The following BRAF variants were observed in gnomAD, a reference collection of about 807,000 sequenced individuals.
BRAF encodes the protein B-Raf proto-oncogene, serine/threonine kinase, also known as serine/threonine-protein kinase B-raf.
Under a neutral mutation model 104.6 loss-of-function variants are expected in BRAF, and 16 were observed. The observed-to-expected ratio is 0.15, with a 90% CI of 0.10 to 0.23. The LOEUF is 0.23. Among genes scored for constraint, BRAF ranks in the 10% least tolerant of loss-of-function variants. The pLI, the probability that BRAF is intolerant of heterozygous loss-of-function variation, is 1.00. For missense variants in BRAF, 541 were observed against 937.3 expected, an observed-to-expected ratio of 0.58 and a Z score of 5.52; for synonymous variants, 310 against 341.6, an observed-to-expected ratio of 0.91 and a Z score of 1.02.
intron 14 of BRAF, among the ~76,000 whole-genome samples, chr7:140,757,184 AC>A (rs1229360890): frequency 3.9e-5 from 6 of 152,184 alleles, no homozygotes; most frequent in African/African-American, 1.2e-4. Flanking sequence ...AAAAAAGGGC[AC>A]AAAAAGGATT....
intron 1 of BRAF, among the ~76,000 whole-genome samples, chr7:140,894,693 A>C (rs1198771094): frequency 1.3e-5 from 2 of 152,282 alleles, no homozygotes; most frequent in East Asian, 3.9e-4. Flanking sequence ...CATACCCATA[A>C]GAGACAAAGC....
intron 14 of BRAF, among the ~76,000 whole-genome samples, chr7:140,771,800 T>C (rs992536968): frequency 2.6e-5 from 4 of 151,728 alleles, no homozygotes; most frequent in South Asian, 2.1e-4. Context: ...ACATGAAGAG[T>C]TGAAAGGAGG....
intron 14 of BRAF, among the ~76,000 whole-genome samples, chr7:140,768,403 C>A (rs945564359): frequency 6.6e-6 from 1 of 152,064 alleles, no homozygotes; most frequent in Non-Finnish European, 1.5e-5. Flanking sequence ...GAGGCTTGGC[C>A]CCAGTGTAAT....
chr7:140,743,784 T>A, intron 17 of BRAF, among the ~76,000 whole-genome samples: 1 of 151,960 alleles, frequency 6.6e-6, no homozygotes, highest in South Asian at 2.1e-4. Context: ...TCCCAGGGTG[T>A]AAAAACCTCT....
chr7:140,753,987 T>A (rs1459676770), intron 15 of BRAF, 200 bp downstream of exon 14: 1 of 604,104 alleles, frequency 1.7e-6, no homozygotes, highest in Non-Finnish European at 2.9e-6. Flanking sequence ...TAGATTTTCT[T>A]GTAATGTTCA....
At chr7:140,919,279 G>A (rs895901307) in intron 1 of BRAF, among the ~76,000 whole-genome samples, 1 of 152,118 alleles carries the variant, frequency 6.6e-6, no homozygotes, top group Admixed American at 6.5e-5. Flanking sequence ...AGGAACTGCA[G>A]CTACATTACA....
intron 1 of BRAF, among the ~76,000 whole-genome samples, chr7:140,866,130 G>A (rs1033000134): frequency 1.3e-5 from 2 of 152,196 alleles, no homozygotes; most frequent in Non-Finnish European, 2.9e-5. Flanking sequence ...TTTCGGAAAG[G>A]AGCTGTATTT....
intron 2 of BRAF, among the ~76,000 whole-genome samples, chr7:140,837,640 T>C (rs1158886360): frequency 6.6e-6 from 1 of 152,236 alleles, no homozygotes; most frequent in Non-Finnish European, 1.5e-5. Context: ...TCTAATTAGT[T>C]CTATGATCAA....
At chr7:140,833,357 T>G (rs1806988268) in intron 3 of BRAF, among the ~76,000 whole-genome samples, 1 of 152,348 alleles carries the variant, frequency 6.6e-6, no homozygotes, top group Non-Finnish European at 1.5e-5. Context: ...CATTTCCTAC[T>G]TTCTGCTCAT....
intron 1 of BRAF, among the ~76,000 whole-genome samples, chr7:140,870,199 C>T (rs1258304785): frequency 6.6e-6 from 1 of 152,116 alleles, no homozygotes; most frequent in African/African-American, 2.4e-5. Context: ...AATTACAAAC[C>T]TGTCATAAGT....
chr7:140,766,609 G>T lies in BRAF; in HGVS notation c.1814+10303C>A, dbSNP rs138951820. Among the ~76,000 whole-genome samples, 370 of 152,048 alleles carry T rather than the reference G, an allele frequency of 2.4e-3. 3 individuals carry two copies. The highest frequency in any genetic ancestry group is 8.3e-3 in the African/African-American group (345 of 41,478). On this transcript the variant is annotated intron_variant, in intron 14 of 19. Transcript: ENST00000644969. The stretch of plus-strand genomic sequence containing the variant: ...TTCTTAATTTTTTTTTTGAGACAGG[G>T]TTTCACTCTGTCGCCCTGGCTGGAG...
chr7:140,726,479 C>T lies in BRAF; in HGVS notation c.*15G>A. Reference sequence around the variant, plus strand: ...AAGACTTAAGAAATAAGAGCAGATGCTGCCATGATGGTGGCTACTTGAAGG... The same window carrying T: ...AAGACTTAAGAAATAAGAGCAGATGTTGCCATGATGGTGGCTACTTGAAGG... On this transcript the variant is annotated 3_prime_UTR_variant, in exon 20 of 20. Coordinates refer to ENST00000644969, the MANE Select transcript of BRAF (RefSeq NM_001374258.1). 9 of 1,536,372 alleles carry T rather than the reference C, an allele frequency of 5.9e-6. No individual in the cohort carries two copies. The highest frequency in any genetic ancestry group is 7.8e-6 in the Non-Finnish European group (9 of 1,146,950).
chr7:140,718,394 G>A (rs1795183584), downstream of BRAF, among the ~76,000 whole-genome samples: 2 of 152,228 alleles, frequency 1.3e-5, no homozygotes, highest in African/African-American at 4.8e-5. Context: ...GGAATTACAG[G>A]CATGCGCCAC....
At chr7:140,830,334 T>C (rs1806588246) in intron 3 of BRAF, among the ~76,000 whole-genome samples, 1 of 152,238 alleles carries the variant, frequency 6.6e-6, no homozygotes, top group Non-Finnish European at 1.5e-5. Context: ...TTTATTATGT[T>C]GACAAACTCT....
Position 140,724,410 on chromosome 7 carries a change from G to C in BRAF, c.*2084C>G. 2 of 1,055,926 alleles carry C rather than the reference G, an allele frequency of 1.9e-6. No homozygotes were observed. The highest frequency in any genetic ancestry group is 4.6e-5 in the South Asian group (1 of 21,896). The allele number at this position is 1,055,926 out of a possible 1,614,324, so 65.4% of individuals were successfully genotyped here. On this transcript the variant is annotated 3_prime_UTR_variant, in exon 20 of 20. Transcript: ENST00000644969. ...AAAACAGCCAATGCTTTTCAAGAGA[G>C]GCAGTATTATTGCACAGAAGATGTT...
chr7:140,862,360 G>T (rs1810512422), intron 1 of BRAF, among the ~76,000 whole-genome samples: 1 of 152,090 alleles, frequency 6.6e-6, no homozygotes, highest in Non-Finnish European at 1.5e-5. Context: ...AGAAATGGGT[G>T]ATACAAGTAA....
intron 1 of BRAF, among the ~76,000 whole-genome samples, chr7:140,881,802 A>G (rs1235470716): frequency 2.0e-5 from 3 of 152,164 alleles, no homozygotes; most frequent in Non-Finnish European, 4.4e-5. Context: ...GGGCATGCGG[A>G]GGCTGGAGAA....
chr7:140,825,039 C>T (rs1430252652), intron 3 of BRAF, among the ~76,000 whole-genome samples: 3 of 150,210 alleles, frequency 2.0e-5, no homozygotes, highest in Non-Finnish European at 3.0e-5. Context: ...GGCGCAATCT[C>T]GGCTCACTGC....
intron 1 of BRAF, among the ~76,000 whole-genome samples, chr7:140,888,391 T>C (rs138037927): frequency 7.0e-6 from 1 of 142,164 alleles, no homozygotes; most frequent in African/African-American, 3.0e-5. Flanking sequence ...CTAAACCTTA[T>C]AGAATGGACA....
Sources: allele counts gnomAD v4.1 joint callset (sites outside exome capture counted in the v4.1 genomes callset), GRCh38; gene constraint gnomAD v4.1.1; transcripts MANE v1.5; gene names NCBI Gene and HGNC (gene_info 2026-07-23, HGNC 2026-07-21).